The following MFSD6 variants were observed in gnomAD, a reference collection of about 807,000 sequenced individuals.
MFSD6 encodes major facilitator superfamily domain-containing protein 6.
In MFSD6, 26 loss-of-function variants were observed where a neutral mutation model predicts 56.3. The ratio of observed to expected loss-of-function variants is 0.46; its 90% CI spans 0.34 to 0.64. The LOEUF (loss-of-function observed/expected upper bound fraction) is 0.64, where lower values mean the gene tolerates loss of function less well. Ranked by LOEUF, MFSD6 falls within the 30% of genes least tolerant of loss-of-function variation. MFSD6 has a pLI of 0.01. For synonymous variants in MFSD6, 331 were observed against 366.9 expected (o/e 0.90, Z 1.12); for missense variants, 750 against 986.2 (o/e 0.76, Z 3.21).
chr2:190,458,959 A>T lies in MFSD6; in HGVS notation c.1533-10799A>T, dbSNP rs1330288157. On this transcript the variant is annotated intron_variant, in intron 3 of 7. Coordinates refer to ENST00000392328, the MANE Select transcript of MFSD6 (RefSeq NM_017694.4). The surrounding 1 kb of genome is among the most constrained non-coding windows in gnomAD (Gnocchi z 5.3). ...AGAGAATCATGCTTAGTTTCTGCTT[A>T]GCAGAAGGTAAAACAAGAACATCTG... Among the ~76,000 whole-genome samples, 1 of 152,214 alleles carries T rather than the reference A, an allele frequency of 6.6e-6. No individual in the cohort carries two copies. Among genetic ancestry groups the T allele is most frequent in the East Asian group, 1.9e-4 (1 of 5,200 alleles).
In MFSD6 at chr2:190,436,102, C is replaced by G; in HGVS notation, c.73C>G (p.Pro25Ala). 1.2e-6 allele frequency: 2 copies of G among 1,614,192 alleles called. No homozygotes were observed. Among genetic ancestry groups the G allele is most frequent in the Non-Finnish European group, 1.7e-6 (2 of 1,180,036 alleles). The change falls in exon 3 of 8, where the codon CCC becomes GCC. Residue 25 changes from proline (P) to alanine (A), a missense_variant. Around this residue, in one of 5 missense-constraint regions of MFSD6, gnomAD observed 76 missense variants for 101.9 expected, o/e 0.75. Transcript: ENST00000392328. The surrounding 1 kb of genome is among the most constrained non-coding windows in gnomAD (Gnocchi z 5.3). Reference protein sequence around the residue: ...EQKRKYVLADPFNGISREPEP... With the variant: ...EQKRKYVLADAFNGISREPEP... ...GAAGAGAAAGTATGTGCTTGCAGAT[C>G]CCTTTAATGGTATTTCCAGGGAACC...
At chr2:190,455,727 C>T (rs994606918) in intron 3 of MFSD6, among the ~76,000 whole-genome samples, 3 of 150,096 alleles carry the variant, frequency 2.0e-5, no homozygotes, top group South Asian at 2.1e-4. Context: ...GGGCATCGTG[C>T]GGAGGTCTCA....
At chr2:190,486,187 G>A (rs1239770283) in intron 4 of MFSD6, among the ~76,000 whole-genome samples, 1 of 152,242 alleles carries the variant, frequency 6.6e-6, no homozygotes, top group Non-Finnish European at 1.5e-5. Context: ...ACCTTGTTGA[G>A]TACTCTACCA....
chr2:190,432,840 A>ACT (rs377459983), intron 2 of MFSD6, among the ~76,000 whole-genome samples: 8 of 136,952 alleles, frequency 5.8e-5, no homozygotes, highest in South Asian at 5.0e-4. Context: ...ACACACACAC[A>ACT]CTCTCTCTCT....
At position 190,462,747 on chromosome 2, in the gene MFSD6, C is replaced by T. The variant is rs1687393853; in HGVS notation, c.1533-7011C>T. On this transcript the variant is annotated intron_variant, in intron 3 of 7. Coordinates refer to ENST00000392328, the MANE Select transcript of MFSD6 (RefSeq NM_017694.4). This position sits in a 1 kb window ranked among gnomAD's most constrained non-coding sequence, Gnocchi z 5.7. ...GTGGGACTCTCAAAATCAGAGGTAC[C>T]AGTGCCCCAAGTCATATCTTGGAAA... Among the ~76,000 whole-genome samples, 1 of 152,142 alleles carries T rather than the reference C, an allele frequency of 6.6e-6. No individual in the cohort carries two copies. The highest frequency in any genetic ancestry group is 2.4e-5 in the African/African-American group (1 of 41,424).
chr2:190,408,160 C>G (rs1401834878), upstream of MFSD6, among the ~76,000 whole-genome samples: 1 of 151,866 alleles, frequency 6.6e-6, no homozygotes, highest in African/African-American at 2.4e-5. Flanking sequence ...GGCCGGTCCT[C>G]AGCGCCCGGC....
intron 4 of MFSD6, among the ~76,000 whole-genome samples, chr2:190,482,855 T>C (rs1325589968): frequency 1.4e-5 from 2 of 144,338 alleles, no homozygotes; most frequent in Non-Finnish European, 3.0e-5. Flanking sequence ...AGAAGAGTTA[T>C]TAAGACTATC....
At chr2:190,414,182 C>T (rs1690684374) in intron 1 of MFSD6, among the ~76,000 whole-genome samples, 1 of 152,008 alleles carries the variant, frequency 6.6e-6, no homozygotes, top group South Asian at 2.1e-4. Context: ...GGGCTTAATA[C>T]CTAGATGATG....
rs1236376199 is a variant in MFSD6 at position 190,499,085 on chromosome 2, T to C, written c.2173-930T>C. On this transcript the variant is annotated intron_variant, in intron 7 of 7. Coordinates refer to ENST00000392328, the MANE Select transcript of MFSD6 (RefSeq NM_017694.4). This position sits in a 1 kb window ranked among gnomAD's most constrained non-coding sequence, Gnocchi z 6.0. ...ATTGCTTGAACCCAGCAGGAGGAGG[T>C]TGCAGTGAGCCAAGGTCACGCCACT... Among the ~76,000 whole-genome samples the C allele has an allele frequency of 6.6e-6, 1 of 152,032 alleles. No homozygotes were observed. Among genetic ancestry groups the C allele is most frequent in the Non-Finnish European group, 1.5e-5 (1 of 68,008 alleles).
Position 190,494,371 on chromosome 2 carries a change from A to C in MFSD6, c.1892-3068A>C, listed in dbSNP as rs1190890207. Among the ~76,000 whole-genome samples the C allele has an allele frequency of 6.6e-6, 1 of 152,074 alleles. No individual in the cohort carries two copies. Among genetic ancestry groups the C allele is most frequent in the Non-Finnish European group, 1.5e-5 (1 of 67,984 alleles). ...ATCAGTAATAAAAAAATTGCCAACA[A>C]AAAAAAGTCCAGGACCAGATGGAGT... On this transcript the variant is annotated intron_variant, in intron 6 of 7. Coordinates refer to ENST00000392328, the MANE Select transcript of MFSD6 (RefSeq NM_017694.4). The surrounding 1 kb of genome is among the most constrained non-coding windows in gnomAD (Gnocchi z 5.7).
At chr2:190,445,880 TAAGCTC>T (rs1391748945) in intron 3 of MFSD6, among the ~76,000 whole-genome samples, 1 of 152,196 alleles carries the variant, frequency 6.6e-6, no homozygotes, top group Non-Finnish European at 1.5e-5. Flanking sequence ...CCTTTATCTT[TAAGCTC>T]TAAGGATTAC....
chr2:190,479,286 A>G (rs1229731262), intron 4 of MFSD6, among the ~76,000 whole-genome samples: 1 of 152,210 alleles, frequency 6.6e-6, no homozygotes. Flanking sequence ...CAATTCAGCT[A>G]CCATTTGCAG....
Position 190,436,953 on chromosome 2 carries a change from C to T in MFSD6, c.924C>T (p.Ile308=), listed in dbSNP as rs748158792. Residue 308 remains isoleucine, a synonymous_variant, in exon 3 of 8, where the codon ATC becomes ATT. Coordinates refer to ENST00000392328, the MANE Select transcript of MFSD6 (RefSeq NM_017694.4). The surrounding 1 kb of genome is among the most constrained non-coding windows in gnomAD (Gnocchi z 5.3). ...GEFFSASSVT[I]VDTVTLQYLG... ...TTTTCAGTGCCTCTTCTGTCACAAT[C>T]GTAGACACGGTCACACTCCAGTATC... 24 of 1,614,058 alleles carry T rather than the reference C, an allele frequency of 1.5e-5. No individual in the cohort carries two copies. Among genetic ancestry groups the T allele is most frequent in the Non-Finnish European group, 1.9e-5 (22 of 1,180,038 alleles).
chr2:190,431,776 C>T lies in MFSD6; in HGVS notation c.-53-4201C>T, dbSNP rs913594392. Among the ~76,000 whole-genome samples the T allele has an allele frequency of 6.6e-6, 1 of 152,142 alleles. No homozygotes were observed. Among genetic ancestry groups the T allele is most frequent in the African/African-American group, 2.4e-5 (1 of 41,442 alleles). The stretch of plus-strand genomic sequence containing the variant: ...CATGAGCATCTTGTTCTTTATTTTC[C>T]TAAGAAATTGCCTTAAATTTTTCTT... On this transcript the variant is annotated intron_variant, in intron 2 of 7. Coordinates refer to ENST00000392328, the MANE Select transcript of MFSD6 (RefSeq NM_017694.4). The surrounding 1 kb of genome is among the most constrained non-coding windows in gnomAD (Gnocchi z 4.4).
chr2:190,421,676 A>C (rs6707691), intron 2 of MFSD6, among the ~76,000 whole-genome samples: 69,536 of 151,868 alleles, frequency 0.46, 16,370 homozygotes, highest in Admixed American at 0.61. Flanking sequence ...GCACCTCAGC[A>C]TCCCAAGTAG....
Position 190,436,766 on chromosome 2 carries a change from C to A in MFSD6, c.737C>A (p.Thr246Lys). Residue 246 changes from threonine (T) to lysine (K), a missense_variant, in exon 3 of 8, where the codon ACA (threonine) becomes AAA (lysine). Thr to Lys is a moderately conservative substitution (Grantham distance 78). This residue lies in a region of MFSD6 where 376 missense variants were observed against 437.9 expected (regional missense o/e 0.86). Coordinates refer to ENST00000392328, the MANE Select transcript of MFSD6 (RefSeq NM_017694.4). This position sits in a 1 kb window ranked among gnomAD's most constrained non-coding sequence, Gnocchi z 5.3. ...ATGGACTTGACTTTGAACTCAAGCA[C>A]AGCAACCCCTGTCTCCCCAGGAAGC... ...RMMDLTLNSS[T>K]ATPVSPGSVT... is the part of the protein sequence containing the mutation. 1 of 1,614,196 alleles carries A rather than the reference C, an allele frequency of 6.2e-7. No individual in the cohort carries two copies. Among genetic ancestry groups the A allele is most frequent in the Non-Finnish European group, 8.5e-7 (1 of 1,180,030 alleles).
In MFSD6 at chr2:190,459,598, C is replaced by T. The variant is rs1294506087; in HGVS notation, c.1533-10160C>T. On this transcript the variant is annotated intron_variant, in intron 3 of 7. Transcript: ENST00000392328. This position sits in a 1 kb window ranked among gnomAD's most constrained non-coding sequence, Gnocchi z 5.3. ...CAAGGTTCTCTTTTGTTTTAAACAT[C>T]TCTAGTTTTCTACCTGGAGATACAC... 1.3e-5 allele frequency among the ~76,000 whole-genome samples: 2 copies of T among 152,124 alleles called. No homozygotes were observed. Among genetic ancestry groups the T allele is most frequent in the East Asian group, 1.9e-4 (1 of 5,196 alleles).
rs6741904 is a variant in MFSD6 at position 190,410,537 on chromosome 2, A to T, written c.-176+2034A>T. 5.7e-3 allele frequency among the ~76,000 whole-genome samples: 875 copies of T among 152,288 alleles called. 12 individuals carry two copies. The highest frequency in any genetic ancestry group is 0.02 in the African/African-American group (847 of 41,542). ...TGTTAACATTTAGCCATGTAGGATA[A>T]TTTATATATTTATTACGTATGTATA... On this transcript the variant is annotated intron_variant, in intron 1 of 7. Transcript: ENST00000392328. This position sits in a 1 kb window ranked among gnomAD's most constrained non-coding sequence, Gnocchi z 4.4.
chr2:190,429,315 T>C (rs987412714), intron 2 of MFSD6, among the ~76,000 whole-genome samples: 10 of 152,104 alleles, frequency 6.6e-5, no homozygotes, highest in African/African-American at 2.4e-4. Context: ...TAATGGTAGC[T>C]TATGAACAGA....
Sources: allele counts gnomAD v4.1 joint callset (sites outside exome capture counted in the v4.1 genomes callset), GRCh38; gene constraint gnomAD v4.1.1; regional missense constraint gnomAD v4.1.1; non-coding constraint Gnocchi (gnomAD v3.1); transcripts MANE v1.5; gene names NCBI Gene and HGNC (gene_info 2026-07-23, HGNC 2026-07-21).